The following FBXW10B variants were observed in gnomAD, a reference collection of about 807,000 sequenced individuals.
FBXW10B encodes F-box and WD repeat domain containing 10B.
the FBXW10B span, chr17:15,613,940 C>T: frequency 6.3e-7 from 1 of 1,596,966 alleles, no homozygotes; most frequent in Non-Finnish European, 8.5e-7. Context: ...CAATAGATTG[C>T]AGGGATCGTA....
chr17:15,595,413 G>GAGC, the FBXW10B span, among the ~76,000 whole-genome samples: 5 of 152,132 alleles, frequency 3.3e-5, no homozygotes, highest in Non-Finnish European at 7.3e-5. Context: ...ATTCCACATA[G>GAGC]AGCTCTCTCT....
the FBXW10B span, among the ~76,000 whole-genome samples, chr17:15,590,840 C>T: frequency 6.6e-6 from 1 of 152,210 alleles, no homozygotes; most frequent in African/African-American, 2.4e-5. Context: ...AGCCACCTGC[C>T]TATCTGATGG....
At chr17:15,612,246 G>A in the FBXW10B span, among the ~76,000 whole-genome samples, 1 of 152,128 alleles carries the variant, frequency 6.6e-6, no homozygotes, top group Non-Finnish European at 1.5e-5. Context: ...GGTGGCTCAC[G>A]CCTGTAATCC....
the FBXW10B span, among the ~76,000 whole-genome samples, chr17:15,604,656 TC>T: frequency 6.6e-6 from 1 of 152,098 alleles, no homozygotes; most frequent in African/African-American, 2.4e-5. Context: ...TGCCTCAGCG[TC>T]CCGAGTAGCT....
At chr17:15,595,049 A>T in the FBXW10B span, 171 of 617,766 alleles carry the variant, frequency 2.8e-4, no homozygotes, top group East Asian at 7.9e-3. Flanking sequence ...TGCTCTAAGA[A>T]GGCCAATGGA....
the FBXW10B span, among the ~76,000 whole-genome samples, chr17:15,599,488 C>T: frequency 7.4e-6 from 1 of 134,378 alleles, no homozygotes; most frequent in Non-Finnish European, 1.6e-5. Context: ...TAGTGACTAA[C>T]ATGTACAAAA....
chr17:15,597,852 C>A, the FBXW10B span, among the ~76,000 whole-genome samples: 972 of 152,294 alleles, frequency 6.4e-3, 6 homozygotes, highest in Non-Finnish European at 0.011. Flanking sequence ...CTCATCGTCA[C>A]AAGACAAGTA....
chr17:15,602,251 A>G, the FBXW10B span, among the ~76,000 whole-genome samples: 1 of 152,342 alleles, frequency 6.6e-6, no homozygotes, highest in South Asian at 2.1e-4. Context: ...AAGACAGTGG[A>G]CTAGATCAGA....
chr17:15,613,852 G>A, the FBXW10B span: 1 of 1,608,622 alleles, frequency 6.2e-7, no homozygotes, highest in Non-Finnish European at 8.5e-7. Flanking sequence ...ACTTGGAGAG[G>A]TGGATGGGCA....
the FBXW10B span, chr17:15,573,874 GA>G: frequency 2.5e-6 from 1 of 396,204 alleles, no homozygotes; most frequent in Non-Finnish European, 4.4e-6. Context: ...AATCAAAGGG[GA>G]AAATGTTTAT....
chr17:15,617,478 G>A, the FBXW10B span, among the ~76,000 whole-genome samples: 2 of 152,086 alleles, frequency 1.3e-5, no homozygotes, highest in Non-Finnish European at 2.9e-5. Context: ...TCCTGATACA[G>A]TTTGGATATT....
the FBXW10B span, among the ~76,000 whole-genome samples, chr17:15,615,316 G>C: frequency 8.9e-6 from 1 of 112,966 alleles, no homozygotes; most frequent in Non-Finnish European, 1.7e-5. Context: ...TTGCATATTG[G>C]CTTTCTTTTT....
chr17:15,575,089 G>A, the FBXW10B span, among the ~76,000 whole-genome samples: 2 of 131,818 alleles, frequency 1.5e-5, no homozygotes, highest in Non-Finnish European at 3.0e-5. Flanking sequence ...GCCAAGAGGA[G>A]GGGACAGCAG....
At chr17:15,579,176 G>T in the FBXW10B span, among the ~76,000 whole-genome samples, 5 of 141,290 alleles carry the variant, frequency 3.5e-5, no homozygotes, top group East Asian at 1.1e-3. Flanking sequence ...TAAATAAAAA[G>T]GTGTCTGTGT....
At chr17:15,617,759 C>G in the FBXW10B span, among the ~76,000 whole-genome samples, 19 of 152,296 alleles carry the variant, frequency 1.2e-4, no homozygotes, top group African/African-American at 4.6e-4. Flanking sequence ...TTTCTGAAGC[C>G]CTCACCAGAA....
the FBXW10B span, chr17:15,619,594 G>A: frequency 1.3e-6 from 2 of 1,527,822 alleles, no homozygotes; most frequent in African/African-American, 3.0e-5. Flanking sequence ...GGGGGGAAAT[G>A]AATAAATACC....
At chr17:15,597,903 A>G in the FBXW10B span, among the ~76,000 whole-genome samples, 16 of 152,260 alleles carry the variant, frequency 1.1e-4, no homozygotes, top group Non-Finnish European at 2.2e-4. Context: ...AAACTGAGGC[A>G]TAGAGAAGTT....
chr17:15,566,997 C>T, the FBXW10B span, among the ~76,000 whole-genome samples: 1 of 151,560 alleles, frequency 6.6e-6, no homozygotes, highest in South Asian at 2.1e-4. Flanking sequence ...TGAGGCCGGG[C>T]GCGGTGGCTC....
chr17:15,598,491 G>A, the FBXW10B span: 45 of 1,612,832 alleles, frequency 2.8e-5, no homozygotes, highest in South Asian at 1.5e-4. Flanking sequence ...CCTGTGGGTC[G>A]GGGGAAACTT....
Sources: gnomAD v4.1 joint callset for allele counts (sites outside exome capture counted in the v4.1 genomes callset) on GRCh38, gnomAD v4.1.1 for gene constraint, MANE v1.5 for transcripts, NCBI Gene and HGNC (gene_info 2026-07-23, HGNC 2026-07-21) for gene names.